THRA: variants seen among roughly 807,000 people sequenced by gnomAD.
The protein encoded by THRA is thyroid hormone receptor alpha.
A neutral mutation model predicts 45.0 loss-of-function variants in THRA; 13 were observed. The observed-to-expected ratio is 0.29, with a 90% CI of 0.19 to 0.46. The LOEUF (loss-of-function observed/expected upper bound fraction) is 0.46. Among genes scored for constraint, THRA ranks in the 20% least tolerant of loss-of-function variants. The pLI is 1.00. For synonymous variants in THRA, 195 were observed against 214.0 expected (o/e 0.91, Z 0.78); for missense variants, 278 against 556.1 (o/e 0.50, Z 5.03).
Position 40,089,904 on chromosome 17 carries a change from C to G in THRA, c.*448C>G. On this transcript the variant is annotated 3_prime_UTR_variant, in exon 9 of 9. Transcript: ENST00000450525. This position sits in a 1 kb window ranked among gnomAD's most constrained non-coding sequence, Gnocchi z 6.1. ...CCCCTCCAGGCTGAGGGCCTCTCTA[C>G]TTCCCCAGATGCCTGGGTGCAAAGA... The G allele has an allele frequency of 2.0e-6, 2 of 998,364 alleles. No individual in the cohort carries two copies. Among genetic ancestry groups the G allele is most frequent in the South Asian group, 4.4e-5 (1 of 22,488 alleles). 61.8% of individuals were successfully genotyped at this position (998,364 alleles called of 1,614,324 possible). A position where few individuals can be genotyped will look rare whatever the true frequency, so the allele number is the denominator to read the frequency against.
At position 40,077,393 on chromosome 17, in the gene THRA, C is replaced by A. The variant is rs1226922620; in HGVS notation, c.122-115C>A. 3 of 814,710 alleles carry A rather than the reference C, an allele frequency of 3.7e-6. No individual in the cohort carries two copies. In the African/African-American group the frequency reaches 5.0e-5, roughly 14 times the overall value. 50.5% of individuals were successfully genotyped at this position (814,710 alleles called of 1,614,324 possible). ...TCTCTCTAGGATTCTACCAGGGAGG[C>A]TGGGCTAGGAGAGGGGTCAGAAACA... On this transcript the variant is annotated intron_variant, in intron 3 of 8. Coordinates refer to ENST00000450525, the MANE Select transcript of THRA (RefSeq NM_199334.5).
intron 1 of THRA, among the ~76,000 whole-genome samples, chr17:40,073,570 C>T (rs1440759838): frequency 6.6e-6 from 1 of 152,182 alleles, no homozygotes; most frequent in African/African-American, 2.4e-5. Context: ...GAAGTCTGGT[C>T]CTCTGCCTGG....
At chr17:40,093,815 G>A (rs993815437), downstream of THRA, 151 of 1,093,402 alleles carry the variant, frequency 1.4e-4, no homozygotes, top group African/African-American at 1.7e-4. This position sits in a 1 kb window ranked among gnomAD's most constrained non-coding sequence, Gnocchi z 5.9. Context: ...CCCAGTGCCC[G>A]GTGCAGGGCC....
In THRA at chr17:40,091,421, G is replaced by A; in HGVS notation, c.*1965G>A. On this transcript the variant is annotated 3_prime_UTR_variant, in exon 9 of 9. Coordinates refer to ENST00000450525, the MANE Select transcript of THRA (RefSeq NM_199334.5). ...CATGTGCCTGTCCCACCCTGCTGGGGCCTCGGGCTGCCCGCGCTGTCTTTG... is the reference window on the plus strand; with the variant it reads ...CATGTGCCTGTCCCACCCTGCTGGGACCTCGGGCTGCCCGCGCTGTCTTTG... 6.5e-6 allele frequency: 1 copy of A among 153,172 alleles called. No individual in the cohort carries two copies. 9.5% of individuals were successfully genotyped at this position (153,172 alleles called of 1,614,324 possible).
chr17:40,083,467 C>T (rs899511959), intron 4 of THRA, among the ~76,000 whole-genome samples: 2 of 152,200 alleles, frequency 1.3e-5, no homozygotes, highest in Admixed American at 6.5e-5. Flanking sequence ...CCCACCTCGG[C>T]CTCCCAAAGT....
At chr17:40,079,979 A>C (rs1360983227) in intron 4 of THRA, among the ~76,000 whole-genome samples, 1 of 152,090 alleles carries the variant, frequency 6.6e-6, no homozygotes, top group East Asian at 1.9e-4. Context: ...AGGCAGGAGA[A>C]TCTCTTGAAC....
chr17:40,080,958 G>T (rs536399774), intron 4 of THRA, among the ~76,000 whole-genome samples: 1 of 151,972 alleles, frequency 6.6e-6, no homozygotes, highest in East Asian at 1.9e-4. Context: ...TCCTGACCTC[G>T]TGATCCACCC....
Position 40,077,512 on chromosome 17 carries a change from T to C in THRA, c.126T>C (p.Tyr42=). 6.2e-7 allele frequency: 1 copy of C among 1,613,828 alleles called. No homozygotes were observed. Among genetic ancestry groups the C allele is most frequent in the Non-Finnish European group, 8.5e-7 (1 of 1,179,778 alleles). The change falls in exon 4 of 9, where the codon TAT becomes TAC. Residue 42 remains tyrosine, a synonymous_variant. Transcript: ENST00000450525. ...QCSLKTSMSG[Y]IPSYLDKDEQ... The stretch of plus-strand genomic sequence containing the variant: ...CCATCCTTTCCTTCCTCCCAGGGTA[T>C]ATCCCTAGTTACCTGGACAAAGACG...
chr17:40,080,504 T>C (rs2145067616), intron 4 of THRA, among the ~76,000 whole-genome samples: 1 of 151,848 alleles, frequency 6.6e-6, no homozygotes, highest in African/African-American at 2.4e-5. Flanking sequence ...CCATGAGGGA[T>C]TTAGAGTTCC....
At chr17:40,072,287 GC>G (rs1294257189) in intron 1 of THRA, 2 of 152,448 alleles carry the variant, frequency 1.3e-5, no homozygotes, top group Admixed American at 1.3e-4. Context: ...GCCTGGCCCG[GC>G]CCACAGCAGC....
intron 1 of THRA, among the ~76,000 whole-genome samples, chr17:40,065,871 C>G (rs1026973289): frequency 1.3e-5 from 2 of 152,174 alleles, no homozygotes; most frequent in African/African-American, 4.8e-5. Context: ...CTGCAGCCAG[C>G]TAGCAGCTCT....
intron 1 of THRA, chr17:40,072,148 A>C (rs966638129): frequency 6.6e-6 from 1 of 152,418 alleles, no homozygotes; most frequent in African/African-American, 2.4e-5. Context: ...ATGGTGGCTT[A>C]GGTTGGCACT....
At chr17:40,069,701 G>T (rs575984032) in intron 1 of THRA, among the ~76,000 whole-genome samples, 17 of 152,090 alleles carry the variant, frequency 1.1e-4, no homozygotes, top group Non-Finnish European at 2.1e-4. Context: ...AATTGGGCAG[G>T]GGGGGCGTGA....
intron 1 of THRA, among the ~76,000 whole-genome samples, chr17:40,065,208 C>G (rs892329582): frequency 6.6e-6 from 1 of 152,066 alleles, no homozygotes; most frequent in Non-Finnish European, 1.5e-5. Context: ...AGCTGCTCTC[C>G]TCCCTACCCT....
chr17:40,086,933 C>G, intron 7 of THRA, 80 bp downstream of exon 7: 2 of 1,575,180 alleles, frequency 1.3e-6, no homozygotes, highest in Non-Finnish European at 1.7e-6. Context: ...ACAGGCTCAT[C>G]TGAGGTTCTC....
intron 1 of THRA, chr17:40,068,774 C>T (rs746512918): frequency 3.3e-5 from 5 of 152,290 alleles, no homozygotes; most frequent in Non-Finnish European, 5.9e-5. Context: ...AAGAGATCGG[C>T]TCTTGGCTCC....
At chr17:40,066,967 G>A (rs907708062) in intron 1 of THRA, among the ~76,000 whole-genome samples, 1 of 151,792 alleles carries the variant, frequency 6.6e-6, no homozygotes, top group African/African-American at 2.4e-5. Flanking sequence ...ATATGTGAGC[G>A]GTTGTGATGG....
chr17:40,068,178 G>T (rs9913540), intron 1 of THRA, among the ~76,000 whole-genome samples: 21 of 152,094 alleles, frequency 1.4e-4, no homozygotes, highest in African/African-American at 4.8e-4. Context: ...GGAGTTGGGA[G>T]GCCTGGCTGT....
downstream of THRA, chr17:40,093,313 CT>C (rs762537347): frequency 1.4e-5 from 22 of 1,613,256 alleles, no homozygotes; most frequent in Admixed American, 2.0e-4. This position sits in a 1 kb window ranked among gnomAD's most constrained non-coding sequence, Gnocchi z 5.9. Context: ...GTGAGGCGGA[CT>C]CCCCGAGCTC....
Sources: gnomAD v4.1 joint callset for allele counts (sites outside exome capture counted in the v4.1 genomes callset) on GRCh38, gnomAD v4.1.1 for gene constraint, Gnocchi (gnomAD v3.1) non-coding constraint, MANE v1.5 for transcripts, NCBI Gene and HGNC (gene_info 2026-07-23, HGNC 2026-07-21) for gene names.